Variants in PALM2AKAP2 observed in about 807,000 individuals in gnomAD.
The protein encoded by PALM2AKAP2 is PALM2-AKAP2 fusion protein.
Under a neutral mutation model 71.5 loss-of-function variants are expected in PALM2AKAP2, and 37 were observed. That is an observed-to-expected ratio of 0.52 (90% confidence interval 0.40 to 0.68). The LOEUF is 0.68. Ranked by LOEUF, PALM2AKAP2 falls within the 30% of genes least tolerant of loss-of-function variation. The pLI, the probability that PALM2AKAP2 is intolerant of heterozygous loss-of-function variation, is 0.00. For missense variants in PALM2AKAP2, 1,224 were observed against 1,191.8 expected (o/e 1.03, Z -0.40); for synonymous variants, 468 against 478.8 (o/e 0.98, Z 0.29).
intron 1 of PALM2AKAP2, among the ~76,000 whole-genome samples, chr9:109,759,659 G>T (rs149767509): frequency 3.3e-5 from 5 of 152,040 alleles, no homozygotes; most frequent in Non-Finnish European, 7.4e-5. Context: ...TTTTAAATGC[G>T]TCCTCCTCCA....
intron 1 of PALM2AKAP2, among the ~76,000 whole-genome samples, chr9:109,750,281 G>A (rs1361998790): frequency 6.6e-6 from 1 of 152,164 alleles, no homozygotes; most frequent in East Asian, 1.9e-4. Flanking sequence ...CAATATGGTG[G>A]GGGCACATGG....
At chr9:109,820,182 TAGTC>T (rs879792054) in intron 1 of PALM2AKAP2, among the ~76,000 whole-genome samples, 13 of 152,338 alleles carry the variant, frequency 8.5e-5, no homozygotes, top group South Asian at 2.1e-4. Context: ...AAAATTAAGT[TAGTC>T]AGACTTAGAA....
At chr9:110,015,991 G>A (rs771946329) in exon 7 of PALM2AKAP2, 2 of 1,613,938 alleles carry the variant, frequency 1.2e-6, no homozygotes, top group East Asian at 2.2e-5. Context: ...AGGAAGGTGA[G>A]TCAGCCTCGA....
At chr9:110,132,401 C>A (rs1835755194) in intron 1 of PALM2AKAP2, among the ~76,000 whole-genome samples, 1 of 151,816 alleles carries the variant, frequency 6.6e-6, no homozygotes, top group Non-Finnish European at 1.5e-5. Flanking sequence ...CACTTCCTCA[C>A]CCAGGCTGGA....
intron 1 of PALM2AKAP2, among the ~76,000 whole-genome samples, chr9:109,641,244 A>C (rs1481251816): frequency 6.6e-6 from 1 of 152,264 alleles, no homozygotes; most frequent in Non-Finnish European, 1.5e-5. Flanking sequence ...ATTGGACTGC[A>C]GTTAAAAAAA....
intron 6 of PALM2AKAP2, among the ~76,000 whole-genome samples, chr9:109,975,873 C>T (rs747576295): frequency 2.0e-5 from 3 of 152,148 alleles, no homozygotes; most frequent in Admixed American, 6.5e-5. Context: ...CAGGGTCAGC[C>T]GGTGGGGAGG....
chr9:109,719,210 G>A (rs539503863), intron 1 of PALM2AKAP2, among the ~76,000 whole-genome samples: 1 of 152,336 alleles, frequency 6.6e-6, no homozygotes, highest in Admixed American at 6.5e-5. Flanking sequence ...TTTAGTCTAA[G>A]TGTTTAGGTT....
intron 6 of PALM2AKAP2, among the ~76,000 whole-genome samples, chr9:110,011,535 C>T (rs1832885134): frequency 6.6e-6 from 1 of 152,180 alleles, no homozygotes; most frequent in African/African-American, 2.4e-5. Flanking sequence ...AAGCTATCCT[C>T]CTACCCACTG....
chr9:110,022,582 TTTA>T (rs1374927854), intron 7 of PALM2AKAP2, among the ~76,000 whole-genome samples: 1 of 149,546 alleles, frequency 6.7e-6, no homozygotes, highest in Non-Finnish European at 1.5e-5. Flanking sequence ...TTTATTTTAT[TTTA>T]TTATTATTAT....
At chr9:109,736,688 T>C (rs73657040) in intron 1 of PALM2AKAP2, among the ~76,000 whole-genome samples, 91 of 152,332 alleles carry the variant, frequency 6.0e-4, no homozygotes, top group African/African-American at 2.1e-3. Context: ...GGGCTTTTAG[T>C]GTACCCATCA....
exon 2 of PALM2AKAP2, chr9:110,137,455 G>T: frequency 6.2e-7 from 1 of 1,614,114 alleles, no homozygotes; most frequent in Non-Finnish European, 8.5e-7. Context: ...CAGGAAGCCA[G>T]GGCAACACAG....
At chr9:109,689,206 T>C (rs1400078189) in intron 1 of PALM2AKAP2, among the ~76,000 whole-genome samples, 11 of 60,106 alleles carry the variant, frequency 1.8e-4, no homozygotes, top group South Asian at 3.7e-4. Context: ...TTTTCTTTTT[T>C]TTTTTTTTTT....
upstream of PALM2AKAP2, among the ~76,000 whole-genome samples, chr9:109,778,165 G>T (rs374053353): frequency 3.9e-5 from 6 of 152,190 alleles, no homozygotes; most frequent in East Asian, 5.8e-4. Context: ...TATCTGTATA[G>T]CTGGGAGTAG....
At chr9:110,109,525 G>A (rs1443851793) in intron 1 of PALM2AKAP2, among the ~76,000 whole-genome samples, 2 of 152,108 alleles carry the variant, frequency 1.3e-5, no homozygotes, top group African/African-American at 2.4e-5. Flanking sequence ...CAACTGACAA[G>A]TACTGATGAA....
chr9:109,877,035 G>A, intron 2 of PALM2AKAP2, among the ~76,000 whole-genome samples: 1 of 152,162 alleles, frequency 6.6e-6, no homozygotes, highest in Non-Finnish European at 1.5e-5. Flanking sequence ...AACATTCCAA[G>A]AGCAGCCATT....
At chr9:110,138,863 G>C (rs191043666) in intron 2 of PALM2AKAP2, among the ~76,000 whole-genome samples, 1 of 152,344 alleles carries the variant, frequency 6.6e-6, no homozygotes, top group Admixed American at 6.5e-5. Flanking sequence ...AGGAGAGGCT[G>C]TTTGTGGCAT....
chr9:109,646,405 G>T (rs775111796), intron 1 of PALM2AKAP2, among the ~76,000 whole-genome samples: 1 of 152,214 alleles, frequency 6.6e-6, no homozygotes, highest in African/African-American at 2.4e-5. Context: ...AAGTTGTTGC[G>T]ATCCCTGTAA....
At chr9:109,931,885 C>A (rs944202107) in intron 5 of PALM2AKAP2, 42 bp from the exon 6 acceptor site, 1 of 1,606,424 alleles carries the variant, frequency 6.2e-7, no homozygotes, top group Admixed American at 1.7e-5. Flanking sequence ...ATTGGGCCTC[C>A]CAACACTGTG....
intron 1 of PALM2AKAP2, among the ~76,000 whole-genome samples, chr9:109,727,101 A>G (rs1828488228): frequency 6.6e-6 from 1 of 152,220 alleles, no homozygotes; most frequent in African/African-American, 2.4e-5. Flanking sequence ...TAACCTTGCT[A>G]ACTAGATTAG....
Sources: gnomAD v4.1 joint callset for allele counts (sites outside exome capture counted in the v4.1 genomes callset) on GRCh38, gnomAD v4.1.1 for gene constraint, MANE v1.5 for transcripts, NCBI Gene and HGNC (gene_info 2026-07-23, HGNC 2026-07-21) for gene names.